The following NRCAM variants were observed in gnomAD, a reference collection of about 807,000 sequenced individuals.
NRCAM encodes the protein neuronal cell adhesion molecule, also known as NgCAM-related cell adhesion molecule.
A neutral mutation model predicts 156.5 loss-of-function variants in NRCAM; 83 were observed. The observed-to-expected ratio is 0.53, with a 90% CI of 0.44 to 0.64. NRCAM has a LOEUF of 0.64. Ranked by LOEUF, NRCAM falls within the 30% of genes least tolerant of loss-of-function variation. The probability of loss-of-function intolerance (pLI) is 0.00; values close to 1 mark genes in which losing one functional copy is unlikely to be tolerated. For synonymous variants in NRCAM, 538 were observed against 563.9 expected (o/e 0.95, Z 0.65); for missense variants, 1,417 against 1,597.3 (o/e 0.89, Z 1.92).
intron 3 of NRCAM, among the ~76,000 whole-genome samples, chr7:108,261,289 T>C (rs2096878667): frequency 1.3e-5 from 2 of 152,210 alleles, no homozygotes; most frequent in Admixed American, 1.3e-4. Flanking sequence ...AACTTTCCAC[T>C]AGATTTTCCT....
intron 2 of NRCAM, among the ~76,000 whole-genome samples, chr7:108,320,798 A>G (rs1325668871): frequency 6.6e-6 from 1 of 152,244 alleles, no homozygotes; most frequent in African/African-American, 2.4e-5. Context: ...ATACTGTTGA[A>G]TGGGACAAAA....
intron 32 of NRCAM, chr7:108,156,339 T>C: frequency 1.0e-6 from 1 of 985,034 alleles, no homozygotes; most frequent in Non-Finnish European, 1.2e-6. Flanking sequence ...GACCTAGGTT[T>C]ATTCTGGTTT....
At chr7:108,252,717 T>C (rs376921865) in intron 3 of NRCAM, among the ~76,000 whole-genome samples, 2 of 152,318 alleles carry the variant, frequency 1.3e-5, no homozygotes, top group African/African-American at 4.8e-5. Flanking sequence ...GTACAGATTT[T>C]ATAAATTGGA....
chr7:108,207,444 T>C (rs764961441), intron 13 of NRCAM, 84 bp downstream of exon 13: 161 of 1,409,856 alleles, frequency 1.1e-4, no homozygotes, highest in Admixed American at 6.7e-5. Context: ...ACCTGAGTTA[T>C]TTTTTTATCA....
At chr7:108,321,676 CT>C (rs1303813539) in intron 2 of NRCAM, among the ~76,000 whole-genome samples, 1 of 152,164 alleles carries the variant, frequency 6.6e-6, no homozygotes, top group Non-Finnish European at 1.5e-5. Context: ...ACGACCATCA[CT>C]TTTTGAGACT....
At chr7:108,210,114 A>T (rs2083272597) in intron 11 of NRCAM, among the ~76,000 whole-genome samples, 1 of 151,772 alleles carries the variant, frequency 6.6e-6, no homozygotes, top group South Asian at 2.1e-4. Flanking sequence ...CTATCTGATG[A>T]TGTTAACTAA....
intron 11 of NRCAM, among the ~76,000 whole-genome samples, chr7:108,221,020 C>T (rs1337667091): frequency 5.3e-5 from 8 of 152,070 alleles, no homozygotes; most frequent in Non-Finnish European, 1.0e-4. Flanking sequence ...CAGACAATCC[C>T]ATCAAAAACT....
intron 1 of NRCAM, among the ~76,000 whole-genome samples, chr7:108,453,019 G>A (rs1852266636): frequency 6.9e-6 from 1 of 144,194 alleles, no homozygotes; most frequent in South Asian, 2.4e-4. Context: ...ATGCATTTGT[G>A]ATATGTGAAA....
chr7:108,447,648 G>C (rs146322554), intron 1 of NRCAM, among the ~76,000 whole-genome samples: 27 of 152,250 alleles, frequency 1.8e-4, no homozygotes, highest in African/African-American at 6.0e-4. Flanking sequence ...GGAAAATAGA[G>C]TGGATTTGGC....
intron 2 of NRCAM, among the ~76,000 whole-genome samples, chr7:108,316,679 G>A (rs917977108): frequency 2.6e-5 from 4 of 151,928 alleles, no homozygotes; most frequent in South Asian, 2.1e-4. Context: ...CAGCTACTCA[G>A]GAGGTTGAGG....
chr7:108,152,135 T>C (rs2042024846), intron 32 of NRCAM, among the ~76,000 whole-genome samples: 3 of 152,230 alleles, frequency 2.0e-5, no homozygotes, highest in South Asian at 4.2e-4. Flanking sequence ...AAATTACATA[T>C]ATATTATGTC....
At chr7:108,432,644 T>C (rs1826784785) in intron 1 of NRCAM, among the ~76,000 whole-genome samples, 1 of 152,256 alleles carries the variant, frequency 6.6e-6, no homozygotes, top group South Asian at 2.1e-4. Context: ...GGCTCTCGCC[T>C]GTAATCCCAG....
intron 11 of NRCAM, among the ~76,000 whole-genome samples, chr7:108,211,217 C>T (rs1332241153): frequency 2.6e-5 from 4 of 152,112 alleles, no homozygotes; most frequent in Non-Finnish European, 5.9e-5. Flanking sequence ...GTAGAGGAAG[C>T]AGCAGGAAAG....
Position 108,169,565 on chromosome 7 carries a change from T to G in NRCAM, c.3188-1163A>C, listed in dbSNP as rs1488804580. Among the ~76,000 whole-genome samples the G allele has an allele frequency of 2.0e-5, 3 of 152,216 alleles. No individual in the cohort carries two copies. The East Asian group carries it at 5.8e-4, about 29-fold the overall frequency. ...AGATATTAAAGCAGTTAAATAATGCTTTTGACTTCTGAAATATAATTCAAC... is the reference window on the plus strand; with the variant it reads ...AGATATTAAAGCAGTTAAATAATGCGTTTGACTTCTGAAATATAATTCAAC... On this transcript the variant is annotated intron_variant, in intron 28 of 32. Coordinates refer to ENST00000379028, the MANE Select transcript of NRCAM (RefSeq NM_001037132.4).
chr7:108,345,239 T>C (rs1188342345), intron 2 of NRCAM, among the ~76,000 whole-genome samples: 3 of 152,202 alleles, frequency 2.0e-5, no homozygotes, highest in Non-Finnish European at 4.4e-5. Context: ...AACTGTGTAA[T>C]GCTGGCAAGT....
chr7:108,441,972 C>T (rs1179489626), intron 1 of NRCAM, among the ~76,000 whole-genome samples: 1 of 152,092 alleles, frequency 6.6e-6, no homozygotes, highest in African/African-American at 2.4e-5. Flanking sequence ...TAAAGTGTTC[C>T]ATATAGGTAA....
chr7:108,360,110 T>G (rs182648362), intron 2 of NRCAM, among the ~76,000 whole-genome samples: 150 of 152,330 alleles, frequency 9.8e-4, no homozygotes, highest in African/African-American at 3.5e-3. Context: ...TTTGAAAATG[T>G]AAATGTAATT....
intron 2 of NRCAM, among the ~76,000 whole-genome samples, chr7:108,377,797 T>C (rs956115133): frequency 6.6e-6 from 1 of 151,946 alleles, no homozygotes; most frequent in African/African-American, 2.4e-5. Context: ...CTAAACATTC[T>C]GGAAAAATAC....
At chr7:108,250,766 G>T (rs2096294192) in intron 3 of NRCAM, among the ~76,000 whole-genome samples, 1 of 152,054 alleles carries the variant, frequency 6.6e-6, no homozygotes, top group South Asian at 2.1e-4. Context: ...TAATTGGATT[G>T]TCTGTAACAC....
Sources: gnomAD v4.1 joint callset for allele counts (sites outside exome capture counted in the v4.1 genomes callset) on GRCh38, gnomAD v4.1.1 for gene constraint, MANE v1.5 for transcripts, NCBI Gene and HGNC (gene_info 2026-07-23, HGNC 2026-07-21) for gene names.